The following SYTL3 variants were observed in gnomAD, a reference collection of about 807,000 sequenced individuals.
SYTL3 encodes synaptotagmin-like protein 3.
SYTL3 carries 88 observed loss-of-function variants against 82.1 expected under a neutral mutation model. The ratio of observed to expected loss-of-function variants is 1.07; its 90% confidence interval spans 0.90 to 1.28. The LOEUF is 1.28. Among genes scored for constraint, SYTL3 ranks in the 50% most tolerant of loss-of-function variants. SYTL3 has a pLI of 0.00. For missense variants in SYTL3, 831 were observed against 757.6 expected (o/e 1.10, Z -1.14); for synonymous variants, 311 against 289.4 (o/e 1.07, Z -0.76).
chr6:158,734,608 T>C lies in SYTL3; in HGVS notation c.855+8971T>C, dbSNP rs141736508. ...TCATGCAGTCCCTTCCTTTAAGGCTTTGTTCCAAGCCACCTTCTCAGGGAG... is the reference window on the plus strand; with the variant it reads ...TCATGCAGTCCCTTCCTTTAAGGCTCTGTTCCAAGCCACCTTCTCAGGGAG... On this transcript the variant is annotated intron_variant, in intron 11 of 17. Coordinates refer to ENST00000611299, the MANE Select transcript of SYTL3 (RefSeq NM_001242394.2). 6.4e-3 allele frequency among the ~76,000 whole-genome samples: 969 copies of C among 152,236 alleles called. 13 individuals are homozygous for C. Among genetic ancestry groups the C allele is most frequent in the African/African-American group, 0.022 (919 of 41,532 alleles).
intron 2 of SYTL3, among the ~76,000 whole-genome samples, chr6:158,660,409 GC>G (rs1345790886): frequency 1.3e-5 from 2 of 152,384 alleles, no homozygotes; most frequent in Non-Finnish European, 2.9e-5. Flanking sequence ...GAGTGAATGG[GC>G]ACTAGGGGGA....
At chr6:158,762,856 G>A (rs1274879525) in intron 16 of SYTL3, among the ~76,000 whole-genome samples, 1 of 152,182 alleles carries the variant, frequency 6.6e-6, no homozygotes, top group Admixed American at 6.5e-5. Context: ...GGAGGAGGTT[G>A]CAGTGAGCTG....
upstream of SYTL3, among the ~76,000 whole-genome samples, chr6:158,646,278 GC>G (rs1787453584): frequency 6.6e-6 from 1 of 152,140 alleles, no homozygotes; most frequent in Admixed American, 6.6e-5. Flanking sequence ...GTATTCTCCT[GC>G]CTTAGCCTCC....
At chr6:158,651,099 A>G (rs1787955319) in intron 1 of SYTL3, among the ~76,000 whole-genome samples, 1 of 152,212 alleles carries the variant, frequency 6.6e-6, no homozygotes, top group Non-Finnish European at 1.5e-5. Context: ...TAGGTAAGTT[A>G]CTTAATCACT....
At position 158,676,741 on chromosome 6, in the gene SYTL3, C is replaced by T. The variant is rs1211340922; in HGVS notation, c.330-6184C>T. Among the ~76,000 whole-genome samples the T allele has an allele frequency of 5.3e-5, 8 of 152,146 alleles. No homozygotes were observed. In the East Asian group the frequency reaches 5.8e-4, roughly 11 times the overall value. The stretch of plus-strand genomic sequence containing the variant: ...ACAAACAACCCTATCAACAAGTGGG[C>T]GAAGGATATGAACAGACACTTCTCA... On this transcript the variant is annotated intron_variant, in intron 5 of 17. Coordinates refer to ENST00000611299, the MANE Select transcript of SYTL3 (RefSeq NM_001242394.2).
intron 6 of SYTL3, among the ~76,000 whole-genome samples, chr6:158,706,781 G>T (rs1158214233): frequency 6.6e-6 from 1 of 152,208 alleles, no homozygotes; most frequent in Non-Finnish European, 1.5e-5. Context: ...GAAATAAGTA[G>T]ATTACAGTTT....
rs913296797 is a variant in SYTL3 at position 158,763,353 on chromosome 6, C to T, written c.1567C>T (p.Leu523=). 57 of 1,614,126 alleles carry T rather than the reference C, an allele frequency of 3.5e-5. No individual in the cohort carries two copies. Among genetic ancestry groups the T allele is most frequent in the Non-Finnish European group, 4.8e-5 (57 of 1,180,060 alleles). The stretch of plus-strand genomic sequence containing the variant: ...AAAACTGAGACTGAAGTCGCCAGTC[C>T]TGAGGAAGCAGGCTTGCCCCCAGTG... ...QQKLRLKSPV[L]RKQACPQWKH... Residue 523 remains leucine, a synonymous_variant, in exon 17 of 18, where the codon CTG becomes TTG. Transcript: ENST00000611299.
rs183260873 is a variant in SYTL3 at position 158,759,810 on chromosome 6, C to T, written c.1309-830C>T. Among the ~76,000 whole-genome samples the T allele has an allele frequency of 1.8e-4, 28 of 152,298 alleles. No individual in the cohort carries two copies. The East Asian group carries it at 5.2e-3, about 28-fold the overall frequency. ...CCTCCCAAAGTGCTGGGATTACAGG[C>T]ATGAGTCACCATGCTTGGCCTCAGG... On this transcript the variant is annotated intron_variant, in intron 14 of 17. Coordinates refer to ENST00000611299, the MANE Select transcript of SYTL3 (RefSeq NM_001242394.2).
chr6:158,731,153 G>A (rs867452266), intron 11 of SYTL3, among the ~76,000 whole-genome samples: 120 of 151,600 alleles, frequency 7.9e-4, no homozygotes, highest in Middle Eastern at 6.8e-3. Context: ...GCATGGTGGC[G>A]GGCGCCTGTA....
In SYTL3 at chr6:158,663,014, C is replaced by T. The variant is rs921657000; in HGVS notation, c.-255C>T. ...GCTGCAGAACCCGGTGAAAACACCC[C>T]CCGGGTAGCACGAGGCTCTGCGAGC... On this transcript the variant is annotated 5_prime_UTR_variant, in exon 4 of 18. Coordinates refer to ENST00000611299, the MANE Select transcript of SYTL3 (RefSeq NM_001242394.2). 1 of 367,388 alleles carries T rather than the reference C, an allele frequency of 2.7e-6. No homozygotes were observed. The highest frequency in any genetic ancestry group is 4.9e-6 in the Non-Finnish European group (1 of 202,522). The allele number at this position is 367,388 out of a possible 1,614,324, so 22.8% of individuals were successfully genotyped here.
intron 14 of SYTL3, among the ~76,000 whole-genome samples, chr6:158,759,720 C>G (rs12191978): frequency 0.38 from 57,188 of 151,860 alleles, 11,742 homozygotes; most frequent in East Asian, 0.79. Context: ...TTTTGGTAGA[C>G]ATGGGGTTTC....
chr6:158,693,855 C>CTTTTCTTTTCTTTTTTTTT lies in SYTL3; in HGVS notation c.394+10870_394+10871insCTTTTCTTTTTTTTTTTTT, dbSNP rs71030191. Among the ~76,000 whole-genome samples the CTTTTCTTTTCTTTTTTTTT allele has an allele frequency of 2.1e-4, 20 of 96,862 alleles. 2 individuals carry two copies. The highest frequency in any genetic ancestry group is 9.7e-4 in the African/African-American group (18 of 18,586). The allele number at this position is 96,862 out of a possible 152,430, so 63.5% of individuals were successfully genotyped here. A position where few individuals can be genotyped will look rare whatever the true frequency, so the allele number is the denominator to read the frequency against. On this transcript the variant is annotated intron_variant, in intron 6 of 17. Coordinates refer to ENST00000611299, the MANE Select transcript of SYTL3 (RefSeq NM_001242394.2). ...TGCATCCAGCCTTTCTTTTTCTTTTCTTTTTTTTTTTTTTTTTTGTAGATA... is the reference window on the plus strand; with the variant it reads ...TGCATCCAGCCTTTCTTTTTCTTTTCTTTTCTTTTCTTTTTTTTTTTTTTTTTTTTTTTTTTTGTAGATA...
At chr6:158,748,702 G>A (rs1010417128) in intron 12 of SYTL3, among the ~76,000 whole-genome samples, 2 of 151,554 alleles carry the variant, frequency 1.3e-5, no homozygotes, top group African/African-American at 2.4e-5. Flanking sequence ...AAAATTAGCC[G>A]GGCATGGTGG....
In SYTL3 at chr6:158,682,929, G is replaced by A. The variant is rs955554016; in HGVS notation, c.334G>A (p.Val112Ile). 5 of 1,612,728 alleles carry A rather than the reference G, an allele frequency of 3.1e-6. No individual in the cohort carries two copies. The African/African-American group carries it at 5.3e-5, about 17-fold the overall frequency. The change falls in exon 6 of 18, where the codon GTC (valine) becomes ATC (isoleucine). Residue 112 changes from valine to isoleucine, a missense_variant. Val to Ile is a conservative substitution (Grantham distance 29). Coordinates refer to ENST00000611299, the MANE Select transcript of SYTL3 (RefSeq NM_001242394.2). ...KCTVCFEDRNVKIKTGEWFYE... is the reference protein window; with the variant it reads ...KCTVCFEDRNIKIKTGEWFYE... ...CCTTTCTGCTCATTTTTTCAGGAAT[G>A]TCAAAATAAAAACTGGAGAATGGTT... is the stretch of plus-strand genomic sequence containing the variant.
intron 12 of SYTL3, among the ~76,000 whole-genome samples, chr6:158,746,082 T>G (rs1787604474): frequency 6.6e-6 from 1 of 152,108 alleles, no homozygotes; most frequent in Admixed American, 6.6e-5. Flanking sequence ...GACTGTTTTC[T>G]TGTGTCCTCC....
intron 8 of SYTL3, among the ~76,000 whole-genome samples, chr6:158,712,908 G>A (rs781039308): frequency 4.6e-5 from 7 of 151,878 alleles, no homozygotes; most frequent in African/African-American, 1.5e-4. Context: ...ACAGGTGCCC[G>A]CCACCTTGCC....
At chr6:158,658,669 A>G (rs1309065095) in intron 2 of SYTL3, among the ~76,000 whole-genome samples, 1 of 152,160 alleles carries the variant, frequency 6.6e-6, no homozygotes, top group Non-Finnish European at 1.5e-5. Flanking sequence ...TCACGCCTAT[A>G]ATCCCAGCAC....
rs1287879463 is a variant in SYTL3, at chr6:158,762,162, A to T, written c.1501A>T (p.Asn501Tyr). The change falls in exon 16 of 18, where the codon AAC becomes TAC. Residue 501 changes from asparagine to tyrosine, a missense_variant. Coordinates refer to ENST00000611299, the MANE Select transcript of SYTL3 (RefSeq NM_001242394.2). Reference sequence around the variant, plus strand: ...ACCTGTGCGGCCAGATGGCACCTTGAACTCATTTGTTAAGGGGTAGGTATT... The same window carrying T: ...ACCTGTGCGGCCAGATGGCACCTTGTACTCATTTGTTAAGGGGTAGGTATT... Reference protein sequence around the residue: ...NLPVRPDGTLNSFVKGCLTLP... With the variant: ...NLPVRPDGTLYSFVKGCLTLP... 1 of 1,613,104 alleles carries T rather than the reference A, an allele frequency of 6.2e-7. No individual in the cohort carries two copies. Among genetic ancestry groups the T allele is most frequent in the Admixed American group, 1.7e-5 (1 of 59,876 alleles).
chr6:158,702,326 CAA>C (rs1193990568), intron 6 of SYTL3, among the ~76,000 whole-genome samples: 2,999 of 70,574 alleles, frequency 0.042, 122 homozygotes, highest in African/African-American at 0.13. Context: ...GACTCTGTCT[CAA>C]AAAAAAAAAA....
Sources: gnomAD v4.1 joint callset for allele counts (sites outside exome capture counted in the v4.1 genomes callset) on GRCh38, gnomAD v4.1.1 for gene constraint, MANE v1.5 for transcripts, NCBI Gene and HGNC (gene_info 2026-07-23, HGNC 2026-07-21) for gene names.